Variants in ACIN1 observed in about 807,000 individuals in gnomAD.
The protein encoded by ACIN1 is apoptotic chromatin condensation inducer in the nucleus.
ACIN1 carries 16 observed loss-of-function variants against 146.6 expected under a neutral mutation model. The ratio of observed to expected loss-of-function variants is 0.11; its 90% CI spans 0.07 to 0.17. The LOEUF (loss-of-function observed/expected upper bound fraction) is 0.17, where lower values mean the gene tolerates loss of function less well. Among genes scored for constraint, ACIN1 ranks in the 10% least tolerant of loss-of-function variants. The pLI is 1.00. For synonymous variants in ACIN1, 569 were observed against 582.7 expected (o/e 0.98, Z 0.34); for missense variants, 1,357 against 1,609.3 (o/e 0.84, Z 2.68).
intron 9 of ACIN1, chr14:23,069,140 GT>G: frequency 3.9e-6 from 4 of 1,027,918 alleles, no homozygotes; most frequent in Non-Finnish European, 4.7e-6. Flanking sequence ...AGCTAAAGGA[GT>G]TACCACCAGG....
chr14:23,084,942 T>G (rs77828441), intron 4 of ACIN1, among the ~76,000 whole-genome samples: 5,533 of 152,226 alleles, frequency 0.036, 288 homozygotes, highest in African/African-American at 0.12. Context: ...ATAAAAAGTT[T>G]TCATAAATGT....
At chr14:23,075,323 C>CTTTT (rs11423392) in intron 8 of ACIN1, among the ~76,000 whole-genome samples, 3 of 133,340 alleles carry the variant, frequency 2.2e-5, no homozygotes, top group African/African-American at 5.7e-5. Context: ...CTTTCTTCCC[C>CTTTT]TTTTTTTTTT....
chr14:23,059,840 G>C (rs185115591), intron 18 of ACIN1, among the ~76,000 whole-genome samples: 6 of 148,006 alleles, frequency 4.1e-5, no homozygotes, highest in African/African-American at 1.6e-4. Context: ...ATTTTCAGTA[G>C]AGACGGGGCT....
intron 18 of ACIN1, 145 bp from the exon 19 acceptor site, chr14:23,059,619 TTC>T: frequency 1.5e-6 from 1 of 656,000 alleles, no homozygotes; most frequent in Non-Finnish European, 2.7e-6. Context: ...CATCCTGTCT[TTC>T]TTAGAGCACC....
At chr14:23,091,626 A>ATTT (rs149184878) in intron 2 of ACIN1, among the ~76,000 whole-genome samples, 2 of 137,976 alleles carry the variant, frequency 1.4e-5, no homozygotes, top group East Asian at 2.0e-4. Flanking sequence ...TCCAGGAAAC[A>ATTT]TTTTTTTTTT....
chr14:23,077,122 TA>T (rs2047822604), intron 8 of ACIN1, among the ~76,000 whole-genome samples: 1 of 152,174 alleles, frequency 6.6e-6, no homozygotes, highest in Non-Finnish European at 1.5e-5. Flanking sequence ...GTAAGGTCTA[TA>T]AAACTATCAT....
Position 23,063,521 on chromosome 14 carries a change from C to A in ACIN1, c.2652G>T (p.Lys884Asn). The change falls in exon 13 of 19, where the codon AAG becomes AAT. Residue 884 changes from lysine (K) to asparagine (N), a missense_variant. This residue lies in a region of ACIN1 where 509 missense variants were observed against 719.6 expected (regional missense o/e 0.71). Coordinates refer to ENST00000605057, the MANE Select transcript of ACIN1 (RefSeq NM_001386863.1). ...GTACAGGAGGTTCTGCTTCAGGTTCCTTCTCTTCTTCCTCTTCTTCCCTCT... is the reference window on the plus strand; with the variant it reads ...GTACAGGAGGTTCTGCTTCAGGTTCATTCTCTTCTTCCTCTTCTTCCCTCT... ...NGQREEEEEE[K>N]EPEAEPPVPP... 2 of 1,614,162 alleles carry A rather than the reference C, an allele frequency of 1.2e-6. No homozygotes were observed. Among genetic ancestry groups the A allele is most frequent in the Non-Finnish European group, 1.7e-6 (2 of 1,180,040 alleles).
intron 18 of ACIN1, 52 bp from the exon 19 acceptor site, chr14:23,059,526 C>T (rs2139972149): frequency 6.8e-7 from 1 of 1,476,278 alleles, no homozygotes; most frequent in Middle Eastern, 1.7e-4. Context: ...CTGGTCACAG[C>T]CTCCATTTGT....
chr14:23,089,649 G>C (rs2048177605), intron 4 of ACIN1, among the ~76,000 whole-genome samples: 1 of 152,194 alleles, frequency 6.6e-6, no homozygotes, highest in African/African-American at 2.4e-5. Context: ...ACTCCAGAGG[G>C]TGACTGAATG....
At chr14:23,095,249 G>T (rs987764819), upstream of ACIN1, 10 of 1,608,212 alleles carry the variant, frequency 6.2e-6, no homozygotes, top group Middle Eastern at 6.6e-4. Flanking sequence ...AACTCCCCGG[G>T]TTCCTCCGGA....
chr14:23,082,523 C>T (rs557480795), intron 4 of ACIN1, among the ~76,000 whole-genome samples: 3 of 146,786 alleles, frequency 2.0e-5, no homozygotes, highest in South Asian at 4.4e-4. Flanking sequence ...CGCCTCACTG[C>T]GACCTCTGCC....
intron 8 of ACIN1, among the ~76,000 whole-genome samples, chr14:23,073,188 TATA>T (rs1278238696): frequency 6.6e-6 from 1 of 152,364 alleles, no homozygotes; most frequent in African/African-American, 2.4e-5. Flanking sequence ...TATCACTCTG[TATA>T]ATAACTGCTA....
chr14:23,090,045 G>A lies in ACIN1; in HGVS notation c.373C>T (p.Leu125=), dbSNP rs2140232279. 1 of 1,613,510 alleles carries A rather than the reference G, an allele frequency of 6.2e-7. No homozygotes were observed. The highest frequency in any genetic ancestry group is 8.5e-7 in the Non-Finnish European group (1 of 1,179,818). ...MIHPEGVASL[L]PPDFQSSLER... ...AGGCTGCTCTGAAAGTCAGGAGGCA[G>A]CAGGGAAGCCACTCCCTCAGGATGG... Residue 125 remains leucine (L), a synonymous_variant, in exon 4 of 19, where the codon CTG becomes TTG. Coordinates refer to ENST00000605057, the MANE Select transcript of ACIN1 (RefSeq NM_001386863.1).
rs974359020 is a variant in ACIN1 at position 23,059,339 on chromosome 14, T to G, written c.3661A>C (p.Lys1221Gln). Reference sequence around the variant, plus strand: ...CTCTCCCGACTGTGCTCCCGACGTTTCTCTCGCTCCAGCTGTCGGTTCCGT... The same window carrying G: ...CTCTCCCGACTGTGCTCCCGACGTTGCTCTCGCTCCAGCTGTCGGTTCCGT... ...RERNRQLERE[K>Q]RREHSRERDR... The change falls in exon 19 of 19, where the codon AAA (lysine) becomes CAA (glutamine). Residue 1221 changes from lysine to glutamine, a missense_variant. Physicochemically the swap from Lys to Gln is moderately conservative, Grantham distance 53 (BLOSUM62 1). Transcript: ENST00000605057. 1.2e-6 allele frequency: 2 copies of G among 1,608,568 alleles called. No homozygotes were observed. Among genetic ancestry groups the G allele is most frequent in the African/African-American group, 2.7e-5 (2 of 74,776 alleles).
Position 23,059,417 on chromosome 14 carries a change from T to G in ACIN1, c.3583A>C (p.Lys1195Gln). 1.2e-6 allele frequency: 2 copies of G among 1,613,674 alleles called. No homozygotes were observed. Among genetic ancestry groups the G allele is most frequent in the Non-Finnish European group, 1.7e-6 (2 of 1,179,834 alleles). ...TTTTGCTCTTCTTCTTCTTGCTCCT[T>G]TCGCCGCTTCTCCCGCTCCTTGGCC... Reference protein sequence around the residue: ...ERAKEREKRRKEQEEEEQKER... With the variant: ...ERAKEREKRRQEQEEEEQKER... Residue 1195 changes from lysine to glutamine, a missense_variant, in exon 19 of 19, where the codon AAG (lysine) becomes CAG (glutamine). By Grantham distance (53) the Lys-to-Gln change is moderately conservative. Coordinates refer to ENST00000605057, the MANE Select transcript of ACIN1 (RefSeq NM_001386863.1).
At chr14:23,091,539 T>C (rs1486957579) in intron 2 of ACIN1, among the ~76,000 whole-genome samples, 2 of 142,192 alleles carry the variant, frequency 1.4e-5, no homozygotes, top group African/African-American at 5.3e-5. Flanking sequence ...CACTCCAGCC[T>C]GGGTTAAAGA....
At chr14:23,074,221 T>A (rs1278358597) in intron 8 of ACIN1, among the ~76,000 whole-genome samples, 1 of 151,688 alleles carries the variant, frequency 6.6e-6, no homozygotes, top group Non-Finnish European at 1.5e-5. Context: ...GTTTTCTATT[T>A]CCCCATGATC....
At chr14:23,080,919 C>A (rs2047928173) in intron 5 of ACIN1, 110 bp from the exon 6 acceptor site, 1 of 1,486,132 alleles carries the variant, frequency 6.7e-7, no homozygotes, top group Non-Finnish European at 8.9e-7. Flanking sequence ...ATGATATATA[C>A]TTTCAGCAAC....
intron 8 of ACIN1, among the ~76,000 whole-genome samples, chr14:23,077,117 G>T (rs1176304297): frequency 6.6e-6 from 1 of 152,106 alleles, no homozygotes; most frequent in Non-Finnish European, 1.5e-5. Flanking sequence ...ATATAGTAAG[G>T]TCTATAAAAC....
Sources: gnomAD v4.1 joint callset for allele counts (sites outside exome capture counted in the v4.1 genomes callset) on GRCh38, gnomAD v4.1.1 for gene constraint, gnomAD v4.1.1 regional missense constraint, MANE v1.5 for transcripts, NCBI Gene and HGNC (gene_info 2026-07-23, HGNC 2026-07-21) for gene names.